SYTL4: variants seen among roughly 807,000 people sequenced by gnomAD.
SYTL4 encodes synaptotagmin-like protein 4.
In SYTL4, 16 loss-of-function variants were observed where a neutral mutation model predicts 52.7. The ratio of observed to expected loss-of-function variants is 0.30; its 90% CI spans 0.21 to 0.46. SYTL4 has a LOEUF of 0.46. Among genes scored for constraint, SYTL4 ranks in the 20% least tolerant of loss-of-function variants. SYTL4 has a pLI of 1.00. For synonymous variants in SYTL4, 160 were observed against 186.6 expected, an observed-to-expected ratio of 0.86 and a Z score of 1.16; for missense variants, 423 against 519.9, an observed-to-expected ratio of 0.81 and a Z score of 1.81.
intron 15 of SYTL4, 190 bp downstream of exon 15, chrX:100,686,489 A>G: frequency 2.5e-6 from 1 of 407,040 alleles, no homozygotes; most frequent in Non-Finnish European, 4.2e-6. Context: ...CTTCACATCA[A>G]TCCAGGAAAG....
chrX:100,707,334 A>T (rs997971003), intron 2 of SYTL4, among the ~76,000 whole-genome samples: 23 of 111,420 alleles, frequency 2.1e-4, no homozygotes, highest in African/African-American at 2.6e-4. Context: ...ACTTTTTTTT[A>T]AAATTTATAA....
At chrX:100,713,409 T>C (rs1306921430) in intron 2 of SYTL4, among the ~76,000 whole-genome samples, 5 of 110,587 alleles carry the variant, frequency 4.5e-5, no homozygotes, top group Admixed American at 9.6e-5. Context: ...CGTGCCACTA[T>C]ACTCCAGCCT....
At chrX:100,711,311 A>G (rs997009509) in intron 2 of SYTL4, among the ~76,000 whole-genome samples, 20 of 112,307 alleles carry the variant, frequency 1.8e-4, no homozygotes, top group African/African-American at 6.5e-4. Context: ...ACAGGCATGC[A>G]AAAAAGCAAG....
chrX:100,680,213 G>T (rs188253313), intron 17 of SYTL4, among the ~76,000 whole-genome samples: 2 of 110,625 alleles, frequency 1.8e-5, no homozygotes, highest in African/African-American at 6.6e-5. Flanking sequence ...GATAACCTCC[G>T]CCCCTTCTTC....
rs749774048 is a variant in SYTL4, at chrX:100,678,221, C to T, written c.1867+170G>A. 5.4e-5 allele frequency among the ~76,000 whole-genome samples: 6 copies of T among 111,672 alleles called. No individual in the cohort carries two copies. In the East Asian group the frequency reaches 1.4e-3, roughly 26 times the overall value. On this transcript the variant is annotated intron_variant, in intron 19 of 19. Transcript: ENST00000372989. Reference sequence around the variant, plus strand: ...ATCAGTGCATGAGCTCAGCCTTCCCCTAGTCCTGGCACATAGTAGGCACTC... The same window carrying T: ...ATCAGTGCATGAGCTCAGCCTTCCCTTAGTCCTGGCACATAGTAGGCACTC...
intron 18 of SYTL4, chrX:100,678,862 T>G (rs1316461624): frequency 5.8e-6 from 2 of 343,143 alleles, no homozygotes; most frequent in Non-Finnish European, 1.0e-5. Context: ...GAAAATGGGT[T>G]TTAAATATTT....
chrX:100,680,740 T>C (rs1431264856), intron 17 of SYTL4, among the ~76,000 whole-genome samples: 1 of 112,269 alleles, frequency 8.9e-6, no homozygotes, highest in Non-Finnish European at 1.9e-5. Context: ...CAGACATAAT[T>C]CACCACTCCT....
At chrX:100,682,711 C>G (rs1367762121) in intron 16 of SYTL4, among the ~76,000 whole-genome samples, 1 of 110,814 alleles carries the variant, frequency 9.0e-6, no homozygotes, top group Admixed American at 9.6e-5. Flanking sequence ...TGTCCCTCCC[C>G]CCAAAAAAAG....
intron 2 of SYTL4, among the ~76,000 whole-genome samples, chrX:100,715,471 C>G (rs752714029): frequency 8.9e-6 from 1 of 111,984 alleles, no homozygotes; most frequent in South Asian, 3.8e-4. Context: ...TTAAGGGAAA[C>G]TATTCTACAA....
intron 2 of SYTL4, among the ~76,000 whole-genome samples, chrX:100,729,587 C>T (rs1162504929): frequency 9.0e-6 from 1 of 111,242 alleles, no homozygotes; most frequent in Admixed American, 9.6e-5. Context: ...ATGGTATGTC[C>T]GGTTACTGGC....
At chrX:100,693,405 C>T (rs1279999353) in intron 8 of SYTL4, among the ~76,000 whole-genome samples, 1 of 112,576 alleles carries the variant, frequency 8.9e-6, no homozygotes, top group African/African-American at 3.2e-5. Context: ...AAGTCAAAAA[C>T]GCTAAGAATC....
chrX:100,684,080 A>G (rs1267449348), intron 16 of SYTL4, among the ~76,000 whole-genome samples: 1 of 111,941 alleles, frequency 8.9e-6, no homozygotes, highest in Non-Finnish European at 1.9e-5. Flanking sequence ...TTATTGACAT[A>G]TAATATTTGT....
At chrX:100,711,563 G>A (rs2084070149) in intron 2 of SYTL4, among the ~76,000 whole-genome samples, 2 of 111,299 alleles carry the variant, frequency 1.8e-5, no homozygotes, top group African/African-American at 6.5e-5. Flanking sequence ...CATTACAGTA[G>A]AAAAGAGTTA....
At chrX:100,724,220 C>T (rs1293156531) in intron 2 of SYTL4, among the ~76,000 whole-genome samples, 1 of 103,457 alleles carries the variant, frequency 9.7e-6, no homozygotes, top group Non-Finnish European at 2.0e-5. Context: ...CCCCGCCCGG[C>T]CAGCCGCCCC....
At chrX:100,709,025 GCA>G (rs965820650) in intron 2 of SYTL4, among the ~76,000 whole-genome samples, 58 of 112,264 alleles carry the variant, frequency 5.2e-4, no homozygotes, top group African/African-American at 1.9e-3. Context: ...CAGGAGCTTG[GCA>G]CAGTGTGTGA....
chrX:100,703,958 C>A (rs1480951821), intron 3 of SYTL4, among the ~76,000 whole-genome samples: 1 of 112,337 alleles, frequency 8.9e-6, no homozygotes, highest in African/African-American at 3.2e-5. Context: ...GCAACTTTCA[C>A]TTTTTACTTC....
chrX:100,700,756 C>T (rs2083831984), intron 8 of SYTL4, 141 bp downstream of exon 8: 2 of 478,324 alleles, frequency 4.2e-6, no homozygotes, highest in Non-Finnish European at 3.6e-6. Context: ...ATGATTTTTT[C>T]CCTCCTTTAC....
intron 2 of SYTL4, among the ~76,000 whole-genome samples, chrX:100,725,252 G>C (rs914881348): frequency 5.3e-4 from 59 of 111,995 alleles, no homozygotes; most frequent in African/African-American, 1.8e-3. Context: ...AGGGCTAAGA[G>C]AGAAAGGAGA....
intron 10 of SYTL4, 148 bp downstream of exon 10, chrX:100,690,415 C>T (rs1898671620): frequency 2.8e-6 from 1 of 360,566 alleles, no homozygotes; most frequent in African/African-American, 3.0e-5. Flanking sequence ...GATTTAAATT[C>T]TGCCTAAGAG....
Sources: allele counts gnomAD v4.1 joint callset (sites outside exome capture counted in the v4.1 genomes callset), GRCh38; gene constraint gnomAD v4.1.1; transcripts MANE v1.5; gene names NCBI Gene and HGNC (gene_info 2026-07-23, HGNC 2026-07-21).